The following RAB3B variants were observed in gnomAD, a reference collection of about 807,000 sequenced individuals.
RAB3B encodes ras-related protein Rab-3B.
Under a neutral mutation model 20.5 loss-of-function variants are expected in RAB3B, and 11 were observed. That is an observed-to-expected ratio of 0.54 (90% CI 0.34 to 0.89). RAB3B has a LOEUF of 0.89. Ranked by LOEUF, RAB3B falls within the 40% of genes least tolerant of loss-of-function variation. RAB3B has a pLI of 0.02. For synonymous variants in RAB3B, 99 were observed against 106.3 expected (o/e 0.93, Z 0.42); for missense variants, 225 against 280.9 (o/e 0.80, Z 1.42).
At chr1:51,955,642 C>T (rs377280696) in intron 2 of RAB3B, among the ~76,000 whole-genome samples, 4 of 152,216 alleles carry the variant, frequency 2.6e-5, no homozygotes, top group East Asian at 1.9e-4. Context: ...TCAAGTGATC[C>T]GCCAGCCTCA....
chr1:51,923,610 G>A (rs1176594498), intron 4 of RAB3B, among the ~76,000 whole-genome samples: 4 of 151,866 alleles, frequency 2.6e-5, no homozygotes, highest in African/African-American at 9.7e-5. Context: ...AGCTACTCGG[G>A]AGGCTGAGGC....
Position 51,986,086 on chromosome 1 carries a change from C to T in RAB3B, c.-1+4466G>A, listed in dbSNP as rs538955512. On this transcript the variant is annotated intron_variant, in intron 1 of 4. Coordinates refer to ENST00000371655, the MANE Select transcript of RAB3B (RefSeq NM_002867.4). The stretch of plus-strand genomic sequence containing the variant: ...CTTTGGGATGCCAAAATGGGAAAAT[C>T]ACTTGAGGCCAGGAGTTCAAAACCA... 7.3e-5 allele frequency among the ~76,000 whole-genome samples: 11 copies of T among 151,642 alleles called. No individual in the cohort carries two copies. In the East Asian group the frequency reaches 1.5e-3, roughly 21 times the overall value.
intron 2 of RAB3B, among the ~76,000 whole-genome samples, chr1:51,964,504 A>C (rs1414276865): frequency 4.6e-5 from 7 of 152,176 alleles, no homozygotes. Flanking sequence ...TAACATATAC[A>C]TGCAGACTCA....
At chr1:51,945,896 G>C (rs1374756407) in intron 2 of RAB3B, among the ~76,000 whole-genome samples, 1 of 152,200 alleles carries the variant, frequency 6.6e-6, no homozygotes, top group Non-Finnish European at 1.5e-5. Flanking sequence ...TGTGATTTTG[G>C]ACTAGTTGGT....
chr1:51,928,425 C>T (rs1312688508), intron 4 of RAB3B, among the ~76,000 whole-genome samples: 2 of 152,186 alleles, frequency 1.3e-5, no homozygotes, highest in Non-Finnish European at 2.9e-5. Context: ...TTAATAAACA[C>T]GAATTGTTGG....
chr1:51,943,437 T>A (rs531957349), intron 2 of RAB3B, among the ~76,000 whole-genome samples: 27 of 152,066 alleles, frequency 1.8e-4, no homozygotes, highest in African/African-American at 6.3e-4. Flanking sequence ...CACAATGGCC[T>A]CTAAGTGTTC....
At chr1:51,954,313 A>T (rs957531086) in intron 2 of RAB3B, among the ~76,000 whole-genome samples, 1 of 152,274 alleles carries the variant, frequency 6.6e-6, no homozygotes, top group African/African-American at 2.4e-5. Flanking sequence ...GCTATGTTTA[A>T]TAAAATTGAA....
chr1:51,968,367 T>C (rs1372647168), intron 2 of RAB3B, among the ~76,000 whole-genome samples: 1 of 152,236 alleles, frequency 6.6e-6, no homozygotes, highest in African/African-American at 2.4e-5. Context: ...AATCCATGAC[T>C]GTACATTCTT....
At chr1:51,990,390 G>T (rs1487971231) in intron 1 of RAB3B, among the ~76,000 whole-genome samples, 162 bp downstream of exon 1, 1 of 145,960 alleles carries the variant, frequency 6.9e-6, no homozygotes, top group Admixed American at 6.8e-5. Context: ...CCCTAGGTGA[G>T]CCCCACCTCT....
intron 2 of RAB3B, among the ~76,000 whole-genome samples, chr1:51,965,531 C>T (rs1684839136): frequency 6.6e-6 from 1 of 151,762 alleles, no homozygotes; most frequent in Admixed American, 6.6e-5. Flanking sequence ...CGTGTAATCC[C>T]AGCTACTCGG....
chr1:51,978,332 C>T (rs1202733818), intron 1 of RAB3B, among the ~76,000 whole-genome samples: 1 of 152,218 alleles, frequency 6.6e-6, no homozygotes, highest in Non-Finnish European at 1.5e-5. Flanking sequence ...CCACCCTGCT[C>T]TTCTCACAGG....
intron 2 of RAB3B, among the ~76,000 whole-genome samples, chr1:51,969,797 T>C (rs1235401385): frequency 1.3e-5 from 2 of 152,218 alleles, no homozygotes; most frequent in Non-Finnish European, 1.5e-5. Context: ...ACATTATCTA[T>C]GTATGTCTTT....
chr1:51,955,078 C>G (rs2124281256), intron 2 of RAB3B, among the ~76,000 whole-genome samples: 2 of 152,326 alleles, frequency 1.3e-5, no homozygotes, highest in South Asian at 4.1e-4. Flanking sequence ...CTGCTTCTGC[C>G]AAAGGCCAGG....
chr1:51,971,054 C>CCCCTT (rs202015323), intron 2 of RAB3B, among the ~76,000 whole-genome samples: 3,071 of 150,664 alleles, frequency 0.02, 50 homozygotes, highest in Non-Finnish European at 0.032. Flanking sequence ...AACCCAGTGA[C>CCCCTT]CCCTTCCATG....
At chr1:51,936,393 G>A (rs532078843) in intron 3 of RAB3B, among the ~76,000 whole-genome samples, 1 of 152,262 alleles carries the variant, frequency 6.6e-6, no homozygotes, top group African/African-American at 2.4e-5. Context: ...TGTGCTCCTG[G>A]ACACCTGGCT....
intron 2 of RAB3B, among the ~76,000 whole-genome samples, chr1:51,942,416 G>A (rs768785105): frequency 1.4e-4 from 21 of 152,160 alleles, no homozygotes; most frequent in African/African-American, 2.2e-4. Context: ...CTACCAGTAC[G>A]TAGCACAGGG....
chr1:51,970,760 C>T (rs1467055315), intron 2 of RAB3B, among the ~76,000 whole-genome samples: 1 of 151,774 alleles, frequency 6.6e-6, no homozygotes, highest in African/African-American at 2.4e-5. Flanking sequence ...AATCCCAGCA[C>T]TTTGGGAGGC....
chr1:51,985,803 T>TA (rs1384483764), intron 1 of RAB3B, among the ~76,000 whole-genome samples: 2 of 148,218 alleles, frequency 1.3e-5, no homozygotes, highest in African/African-American at 5.0e-5. Flanking sequence ...ATGGCAAGAG[T>TA]AAAAAATTGT....
At chr1:51,958,455 G>A (rs1684739680) in intron 2 of RAB3B, among the ~76,000 whole-genome samples, 1 of 152,154 alleles carries the variant, frequency 6.6e-6, no homozygotes, top group Admixed American at 6.5e-5. Context: ...CGGGCGCGGT[G>A]GCTCATGCCT....
Sources: gnomAD v4.1 joint callset for allele counts (sites outside exome capture counted in the v4.1 genomes callset) on GRCh38, gnomAD v4.1.1 for gene constraint, MANE v1.5 for transcripts, NCBI Gene and HGNC (gene_info 2026-07-23, HGNC 2026-07-21) for gene names.